Variants in NAALADL2 observed in about 807,000 individuals in gnomAD.
The protein encoded by NAALADL2 is inactive N-acetylated-alpha-linked acidic dipeptidase-like protein 2.
NAALADL2 carries 76 observed loss-of-function variants against 87.2 expected under a neutral mutation model. That is an observed-to-expected ratio of 0.87 (90% CI 0.72 to 1.05). The LOEUF is 1.05. NAALADL2 is among the 50% of genes least tolerant of loss of function. The probability of loss-of-function intolerance (pLI) is 0.00; values close to 1 mark genes in which losing one functional copy is unlikely to be tolerated. For synonymous variants in NAALADL2, 354 were observed against 331.0 expected, an observed-to-expected ratio of 1.07 and a Z score of -0.75; for missense variants, 1,089 against 945.8, an observed-to-expected ratio of 1.15 and a Z score of -1.99.
At position 174,852,712 on chromosome 3, in the gene NAALADL2, A is replaced by G. The variant is rs560087224; in HGVS notation, c.-9+114966A>G. Among the ~76,000 whole-genome samples the G allele has an allele frequency of 1.1e-3, 175 of 152,254 alleles. 2 individuals are homozygous for G. The highest frequency in any genetic ancestry group is 1.0e-3 in the Non-Finnish European group (69 of 68,004). On this transcript the variant is annotated intron_variant, in intron 3 of 3. Coordinates refer to the NAALADL2 transcript ENST00000434257. ...ATTCTTCAGAGAAATGGAAAAAACA[A>G]TCCTAAAATTTATGTAGAACTACAG...
At chr3:175,086,970 A>G (rs967772011) in intron 1 of NAALADL2, among the ~76,000 whole-genome samples, 2 of 152,118 alleles carry the variant, frequency 1.3e-5, no homozygotes, top group Non-Finnish European at 2.9e-5. Flanking sequence ...TGAATTTTGT[A>G]TTATTGAAAG....
chr3:175,306,266 A>G (rs530222448), intron 4 of NAALADL2, among the ~76,000 whole-genome samples: 1 of 152,278 alleles, frequency 6.6e-6, no homozygotes, highest in Admixed American at 6.5e-5. Flanking sequence ...GATGAAAATG[A>G]TGCTATTTTA....
intron 1 of NAALADL2, among the ~76,000 whole-genome samples, chr3:174,983,859 C>G (rs571675274): frequency 4.6e-5 from 7 of 152,282 alleles, no homozygotes; most frequent in Admixed American, 4.6e-4. Context: ...TTAGCTAGCC[C>G]TGAGAAGGGT....
At chr3:174,748,081 T>C (rs1734450390) in intron 3 of NAALADL2, among the ~76,000 whole-genome samples, 1 of 152,030 alleles carries the variant, frequency 6.6e-6, no homozygotes, top group African/African-American at 2.4e-5. Flanking sequence ...AAACACCACA[T>C]GTTCTCACTT....
At chr3:175,454,089 A>G (rs1282561950) in intron 6 of NAALADL2, among the ~76,000 whole-genome samples, 1 of 151,908 alleles carries the variant, frequency 6.6e-6, no homozygotes, top group Non-Finnish European at 1.5e-5. Flanking sequence ...CCCTTTATAT[A>G]TGTCTCATTA....
At chr3:175,627,104 G>A (rs888887969) in intron 10 of NAALADL2, among the ~76,000 whole-genome samples, 187 bp from the exon 11 acceptor site, 9 of 151,774 alleles carry the variant, frequency 5.9e-5, no homozygotes, top group African/African-American at 1.9e-4. Flanking sequence ...ACAAGTTGAT[G>A]TGTCTGATCA....
intron 13 of NAALADL2, among the ~76,000 whole-genome samples, chr3:175,800,792 T>G (rs1396580136): frequency 6.6e-6 from 1 of 152,154 alleles, no homozygotes; most frequent in Non-Finnish European, 1.5e-5. Flanking sequence ...GAATTAGACT[T>G]GATACAGAAG....
intron 11 of NAALADL2, among the ~76,000 whole-genome samples, chr3:175,667,215 GAAA>G (rs1560942945): frequency 1.1e-4 from 14 of 122,452 alleles, no homozygotes; most frequent in African/African-American, 5.9e-4. Flanking sequence ...AAGAAAGAAA[GAAA>G]GAAAGAAAGA....
At chr3:175,121,010 A>T (rs949694487) in intron 2 of NAALADL2, among the ~76,000 whole-genome samples, 7 of 151,784 alleles carry the variant, frequency 4.6e-5, no homozygotes, top group Non-Finnish European at 1.0e-4. Context: ...TGTTTCTCTG[A>T]TGAGTCCCCC....
At chr3:174,639,487 A>C (rs973589534) in intron 2 of NAALADL2, among the ~76,000 whole-genome samples, 1 of 152,174 alleles carries the variant, frequency 6.6e-6, no homozygotes, top group African/African-American at 2.4e-5. Flanking sequence ...CAGATTTAGC[A>C]GTAGTAATTA....
At chr3:175,062,814 G>T (rs1014215954) in intron 1 of NAALADL2, among the ~76,000 whole-genome samples, 2 of 152,170 alleles carry the variant, frequency 1.3e-5, no homozygotes, top group South Asian at 4.1e-4. Context: ...ATTGTATTTA[G>T]CAAGCACTCA....
At chr3:175,241,930 T>C (rs7644502) in intron 3 of NAALADL2, among the ~76,000 whole-genome samples, 12,081 of 135,474 alleles carry the variant, frequency 0.089, 625 homozygotes, top group East Asian at 0.17. Flanking sequence ...GGGGAGGTCT[T>C]GGCTCACTGC....
chr3:175,771,875 T>C (rs186179262), intron 13 of NAALADL2, among the ~76,000 whole-genome samples: 2 of 152,174 alleles, frequency 1.3e-5, no homozygotes, highest in South Asian at 2.1e-4. Flanking sequence ...TCAGGAAACT[T>C]ATACATAGCA....
At chr3:175,512,026 G>T (rs2149396473) in intron 9 of NAALADL2, among the ~76,000 whole-genome samples, 1 of 152,256 alleles carries the variant, frequency 6.6e-6, no homozygotes, top group Admixed American at 6.5e-5. Context: ...GGATCGCTTT[G>T]AGCCAGTGAG....
chr3:175,440,062 AT>A (rs1167169294), intron 5 of NAALADL2, among the ~76,000 whole-genome samples: 2 of 152,136 alleles, frequency 1.3e-5, no homozygotes, highest in East Asian at 3.9e-4. Context: ...TGATTTTTGT[AT>A]AAGATGAGAG....
At chr3:174,486,332 G>C (rs1717854725) in intron 1 of NAALADL2, among the ~76,000 whole-genome samples, 1 of 152,028 alleles carries the variant, frequency 6.6e-6, no homozygotes, top group African/African-American at 2.4e-5. Flanking sequence ...TGGAGCATGA[G>C]CAGGTTTTTC....
intron 2 of NAALADL2, among the ~76,000 whole-genome samples, chr3:174,637,372 G>A (rs1722749005): frequency 6.6e-6 from 1 of 151,866 alleles, no homozygotes; most frequent in African/African-American, 2.4e-5. Flanking sequence ...TTGGTTGATG[G>A]ATATCCTAAA....
intron 2 of NAALADL2, among the ~76,000 whole-genome samples, chr3:174,726,482 A>G (rs947049647): frequency 1.3e-5 from 2 of 152,104 alleles, no homozygotes; most frequent in Non-Finnish European, 2.9e-5. Context: ...TAATGTATTT[A>G]AATATTATTT....
chr3:175,011,314 G>C (rs978710870), intron 1 of NAALADL2, among the ~76,000 whole-genome samples: 9 of 149,450 alleles, frequency 6.0e-5, no homozygotes, highest in African/African-American at 1.8e-4. Flanking sequence ...GAGAGAGAGA[G>C]AGAGAGACTA....
Sources: gnomAD v4.1 joint callset for allele counts (sites outside exome capture counted in the v4.1 genomes callset) on GRCh38, gnomAD v4.1.1 for gene constraint, MANE v1.5 for transcripts, NCBI Gene and HGNC (gene_info 2026-07-23, HGNC 2026-07-21) for gene names.